The following PTPRE variants were observed in gnomAD, a reference collection of about 807,000 sequenced individuals.
PTPRE encodes protein tyrosine phosphatase receptor type E.
In PTPRE, 51 loss-of-function variants were observed where a neutral mutation model predicts 102.0. The observed-to-expected ratio is 0.50, with a 90% confidence interval of 0.40 to 0.63. The LOEUF is 0.63. PTPRE is among the 30% of genes least tolerant of loss of function. PTPRE has a pLI of 0.00. For synonymous variants in PTPRE, 345 were observed against 348.2 expected (o/e 0.99, Z 0.10); for missense variants, 752 against 915.1 (o/e 0.82, Z 2.30).
intron 1 of PTPRE, among the ~76,000 whole-genome samples, chr10:127,926,804 C>CT (rs150223324): frequency 0.016 from 1,315 of 82,662 alleles, 29 homozygotes; most frequent in Non-Finnish European, 0.021. Flanking sequence ...AGAGAGTTGT[C>CT]TTTTTTTTTT....
chr10:127,963,628 G>A (rs1850002216), intron 1 of PTPRE, among the ~76,000 whole-genome samples: 1 of 152,186 alleles, frequency 6.6e-6, no homozygotes, highest in Non-Finnish European at 1.5e-5. Context: ...TTGTGGGGAA[G>A]CACCGTAGGC....
chr10:128,018,366 T>C (rs1387635408), intron 2 of PTPRE, among the ~76,000 whole-genome samples: 1 of 152,244 alleles, frequency 6.6e-6, no homozygotes, highest in East Asian at 1.9e-4. Flanking sequence ...TGGACCCATC[T>C]GCACAGCAGT....
intron 2 of PTPRE, among the ~76,000 whole-genome samples, chr10:128,025,034 C>T (rs1416331714): frequency 6.6e-6 from 1 of 151,710 alleles, no homozygotes; most frequent in African/African-American, 2.4e-5. Context: ...TGGTGCATAA[C>T]TGTAGTTCCA....
Position 128,069,816 on chromosome 10 carries a change from G to T in PTPRE, c.1132G>T (p.Val378Phe). The change falls in exon 13 of 21, where the codon GTT becomes TTT. Residue 378 changes from valine to phenylalanine, a missense_variant. By Grantham distance (50) the Val-to-Phe change is conservative. Around this residue, in one of 2 missense-constraint regions of PTPRE, gnomAD observed 636 missense variants for 824.4 expected, o/e 0.77. Transcript: ENST00000254667. ...SRIRNQRPQMVQTDMQYTFIY... is the reference protein window; with the variant it reads ...SRIRNQRPQMFQTDMQYTFIY... ...AATCCGTAATCAGCGCCCTCAGATG[G>T]TTCAAACGGATGTGAGTCATGCCTT... is the stretch of plus-strand genomic sequence containing the variant. 6.2e-7 allele frequency: 1 copy of T among 1,614,246 alleles called. No homozygotes were observed.
intron 1 of PTPRE, among the ~76,000 whole-genome samples, chr10:127,945,128 C>T (rs1005627981): frequency 1.8e-4 from 27 of 152,186 alleles, no homozygotes; most frequent in Non-Finnish European, 3.1e-4. Context: ...TCACCCTTCC[C>T]CTGCACATCC....
chr10:128,060,653 C>G (rs1849505914), intron 7 of PTPRE, among the ~76,000 whole-genome samples: 1 of 152,158 alleles, frequency 6.6e-6, no homozygotes, highest in African/African-American at 2.4e-5. Context: ...ATGTAATGAC[C>G]CAGCAGCCCC....
chr10:128,004,754 A>G (rs1854343158), intron 2 of PTPRE, among the ~76,000 whole-genome samples: 1 of 152,216 alleles, frequency 6.6e-6, no homozygotes, highest in Non-Finnish European at 1.5e-5. Context: ...TCTTTTGGAT[A>G]TATACCTAGG....
intron 1 of PTPRE, among the ~76,000 whole-genome samples, chr10:127,933,523 G>C (rs1040400040): frequency 1.3e-5 from 2 of 152,088 alleles, no homozygotes; most frequent in African/African-American, 4.8e-5. Context: ...TACACCATGG[G>C]CCCAATTAAA....
intron 6 of PTPRE, among the ~76,000 whole-genome samples, chr10:128,055,525 G>T (rs1405817053): frequency 6.6e-6 from 1 of 152,154 alleles, no homozygotes; most frequent in Non-Finnish European, 1.5e-5. Context: ...GGTCTGGGGT[G>T]TGGACAGAGC....
chr10:128,069,012 T>A (rs1850526114), intron 12 of PTPRE: 1 of 152,334 alleles, frequency 6.6e-6, no homozygotes, highest in Admixed American at 6.5e-5. Flanking sequence ...ATTCTGAGTA[T>A]CACAGCACTG....
chr10:128,013,898 G>A (rs1845216478), intron 2 of PTPRE, among the ~76,000 whole-genome samples: 1 of 152,114 alleles, frequency 6.6e-6, no homozygotes, highest in Non-Finnish European at 1.5e-5. Context: ...GCAGGGCTGT[G>A]TTTGTTGTGT....
chr10:128,051,914 A>G (rs1012060961), intron 6 of PTPRE, among the ~76,000 whole-genome samples: 1 of 152,050 alleles, frequency 6.6e-6, no homozygotes, highest in Non-Finnish European at 1.5e-5. Flanking sequence ...CCCAGGCTGG[A>G]GTGCAGGGGC....
At chr10:127,955,323 T>TAC (rs1449869953) in intron 1 of PTPRE, among the ~76,000 whole-genome samples, 51 of 151,834 alleles carry the variant, frequency 3.4e-4, no homozygotes, top group South Asian at 1.5e-3. Context: ...CATACATACA[T>TAC]ATATACATAC....
chr10:127,928,650 C>T (rs982313176), intron 1 of PTPRE, among the ~76,000 whole-genome samples: 1 of 152,172 alleles, frequency 6.6e-6, no homozygotes, highest in African/African-American at 2.4e-5. Flanking sequence ...TCATCTACAA[C>T]GCTGATTGAG....
chr10:128,063,294 G>A (rs1437217631), intron 10 of PTPRE, 114 bp downstream of exon 10: 4 of 1,490,414 alleles, frequency 2.7e-6, no homozygotes, highest in South Asian at 1.3e-5. Flanking sequence ...CACTATCACT[G>A]CAGAAAAAAA....
At chr10:127,931,060 G>T (rs1397636566) in intron 1 of PTPRE, among the ~76,000 whole-genome samples, 1 of 151,992 alleles carries the variant, frequency 6.6e-6, no homozygotes, top group African/African-American at 2.4e-5. Flanking sequence ...CAAAGTGCTG[G>T]GATTGCAGGC....
intron 18 of PTPRE, 124 bp downstream of exon 18, chr10:128,076,852 T>C (rs979635999): frequency 1.4e-6 from 2 of 1,382,774 alleles, no homozygotes; most frequent in Non-Finnish European, 9.9e-7. Flanking sequence ...CCTAGTCCCA[T>C]TGGCTATGAA....
chr10:128,069,752 C>A lies in PTPRE; in HGVS notation c.1068C>A (p.His356Gln). The change falls in exon 13 of 21, where the codon CAC (histidine) becomes CAA (glutamine). Residue 356 changes from histidine to glutamine, a missense_variant. Physicochemically the swap from His to Gln is conservative, Grantham distance 24. Transcript: ENST00000254667. ...TCGATGCCATGATGGCCATGATGCA[C>A]GCGGAGCAGAAGGTGGATGTGTTTG... ...IVIDAMMAMMHAEQKVDVFEF... is the reference protein window; with the variant it reads ...IVIDAMMAMMQAEQKVDVFEF... 6.2e-7 allele frequency: 1 copy of A among 1,614,192 alleles called. No homozygotes were observed. Among genetic ancestry groups the A allele is most frequent in the Admixed American group, 1.7e-5 (1 of 60,030 alleles).
Position 128,008,263 on chromosome 10 carries a change from C to G in PTPRE, c.-8+25967C>G, listed in dbSNP as rs1844675828. ...TTTCACCCTCCCTCCCTCTCTCCCT[C>G]ATTCCCTCCCTCCCTCCCTCCAGGT... On this transcript the variant is annotated intron_variant, in intron 2 of 20. Coordinates refer to ENST00000254667, the MANE Select transcript of PTPRE (RefSeq NM_006504.6). The surrounding 1 kb of genome is among the most constrained non-coding windows in gnomAD (Gnocchi z 4.0). Among the ~76,000 whole-genome samples, 1 of 148,894 alleles carries G rather than the reference C, an allele frequency of 6.7e-6. No homozygotes were observed. Among genetic ancestry groups the G allele is most frequent in the South Asian group, 2.2e-4 (1 of 4,524 alleles).
Sources: gnomAD v4.1 joint callset for allele counts (sites outside exome capture counted in the v4.1 genomes callset) on GRCh38, gnomAD v4.1.1 for gene constraint, gnomAD v4.1.1 regional missense constraint, Gnocchi (gnomAD v3.1) non-coding constraint, MANE v1.5 for transcripts, NCBI Gene and HGNC (gene_info 2026-07-23, HGNC 2026-07-21) for gene names.